Variants in COL4A5 observed in about 807,000 individuals in gnomAD.
The protein encoded by COL4A5 is collagen type IV alpha 5 chain, also known as collagen alpha-5(IV) chain.
A neutral mutation model predicts 130.2 loss-of-function variants in COL4A5; 26 were observed. The observed-to-expected ratio is 0.20, with a 90% CI of 0.15 to 0.28. COL4A5 has a LOEUF of 0.28. Ranked by LOEUF, COL4A5 falls within the 10% of genes least tolerant of loss-of-function variation. The probability of loss-of-function intolerance (pLI) is 1.00; values close to 1 mark genes in which losing one functional copy is unlikely to be tolerated. For missense variants in COL4A5, 1,131 were observed against 1,344.3 expected, an observed-to-expected ratio of 0.84 and a Z score of 2.48; for synonymous variants, 496 against 439.6, an observed-to-expected ratio of 1.13 and a Z score of -1.60.
intron 1 of COL4A5, among the ~76,000 whole-genome samples, chrX:108,492,868 G>C (rs1326149531): frequency 2.7e-5 from 3 of 111,018 alleles, no homozygotes; most frequent in Non-Finnish European, 5.7e-5. Context: ...TCTTTTATAG[G>C]ATTTTTTGGT....
At chrX:108,641,594 G>C (rs1009911549) in intron 36 of COL4A5, among the ~76,000 whole-genome samples, 4 of 112,243 alleles carry the variant, frequency 3.6e-5, no homozygotes, top group Non-Finnish European at 7.5e-5. Context: ...GGAAAGTGGA[G>C]ATCCTTCTCT....
intron 2 of COL4A5, among the ~76,000 whole-genome samples, chrX:108,556,940 G>A (rs188273240): frequency 3.6e-5 from 4 of 111,236 alleles, no homozygotes; most frequent in African/African-American, 1.3e-4. Context: ...TGACTGTAGT[G>A]CAAGGAGATT....
intron 42 of COL4A5, 175 bp downstream of exon 42, chrX:108,670,411 A>G (rs991771808): frequency 3.6e-5 from 19 of 523,083 alleles, no homozygotes; most frequent in Non-Finnish European, 4.4e-5. Flanking sequence ...GTTTCTGTCT[A>G]TTGGAAAGAC....
At chrX:108,630,367 G>A (rs1235409538) in intron 36 of COL4A5, among the ~76,000 whole-genome samples, 5 of 111,701 alleles carry the variant, frequency 4.5e-5, no homozygotes, top group African/African-American at 1.6e-4. Flanking sequence ...GTGTGAGATG[G>A]TATCTCATTG....
At chrX:108,520,424 T>C (rs745594526) in intron 1 of COL4A5, among the ~76,000 whole-genome samples, 1 of 112,136 alleles carries the variant, frequency 8.9e-6, no homozygotes, top group South Asian at 3.7e-4. Context: ...CTTAGTCATG[T>C]TCAAATCTTT....
At chrX:108,533,573 T>C (rs2147639783) in intron 1 of COL4A5, among the ~76,000 whole-genome samples, 1 of 110,610 alleles carries the variant, frequency 9.0e-6, no homozygotes, top group African/African-American at 3.3e-5. Flanking sequence ...CCTGAAAATA[T>C]AAAACTACTA....
In COL4A5 at chrX:108,637,245, G is replaced by A. The variant is rs757975495; in HGVS notation, c.3246+10896G>A. On this transcript the variant is annotated intron_variant, in intron 36 of 52. Transcript: ENST00000328300. Reference sequence around the variant, plus strand: ...CACCATGTCTGGCAGAAAATATAATGAGACAAATGAAAATGAAACCACAAC... The same window carrying A: ...CACCATGTCTGGCAGAAAATATAATAAGACAAATGAAAATGAAACCACAAC... Among the ~76,000 whole-genome samples the A allele has an allele frequency of 3.6e-5, 4 of 110,769 alleles. No individual in the cohort carries two copies. The South Asian group carries it at 1.5e-3, about 42-fold the overall frequency.
Position 108,695,451 on chromosome X carries a change from A to G in COL4A5, c.4994+12A>G, listed in dbSNP as rs767909575. The G allele has an allele frequency of 3.6e-5, 44 of 1,206,125 alleles. No homozygotes were observed. The Admixed American group carries it at 7.0e-4, about 19-fold the overall frequency. On this transcript the variant is annotated intron_variant, in intron 52 of 52. Transcript: ENST00000328300. Reference sequence around the variant, plus strand: ...TCAGACATGTTCAGGTAAAGTGCTTATAGCTTTAATTCAGGTCCAAAGCTT... The same window carrying G: ...TCAGACATGTTCAGGTAAAGTGCTTGTAGCTTTAATTCAGGTCCAAAGCTT...
chrX:108,508,557 CAAAAAAAAAAAA>C (rs1182036182), intron 1 of COL4A5, among the ~76,000 whole-genome samples: 50 of 38,180 alleles, frequency 1.3e-3, no homozygotes, highest in African/African-American at 5.4e-3. Flanking sequence ...CATGTAGGAC[CAAAAAAAAAAAA>C]AAAAAAAAAA....
rs104886308 is a variant in COL4A5, at chrX:108,696,350, G to A, written c.5048G>A (p.Arg1683Gln). The change falls in exon 53 of 53, where the codon CGA (arginine) becomes CAA (glutamine). Residue 1683 changes from arginine (R) to glutamine (Q), a missense_variant. By Grantham distance (43) the Arg-to-Gln change is conservative. Coordinates refer to ENST00000328300, the MANE Select transcript of COL4A5 (RefSeq NM_033380.3). Reference protein sequence around the residue: ...KAGDLRTRISRCQVCMKRT With the variant: ...KAGDLRTRISQCQVCMKRT ...GGAGACTTGAGGACACGAATTAGCC[G>A]ATGTCAAGTGTGCATGAAGAGGACA... 4 of 1,208,682 alleles carry A rather than the reference G, an allele frequency of 3.3e-6. No individual in the cohort carries two copies.
chrX:108,513,980 T>C (rs754435115), intron 1 of COL4A5, among the ~76,000 whole-genome samples: 2 of 112,157 alleles, frequency 1.8e-5, no homozygotes, highest in Admixed American at 1.9e-4. Context: ...AATAGGGATA[T>C]CCAGTATTCC....
At chrX:108,519,052 T>C (rs2065244830) in intron 1 of COL4A5, among the ~76,000 whole-genome samples, 1 of 111,615 alleles carries the variant, frequency 9.0e-6, no homozygotes, top group African/African-American at 3.2e-5. Flanking sequence ...AATAGATTAA[T>C]TTCTAATACC....
intron 2 of COL4A5, among the ~76,000 whole-genome samples, chrX:108,540,333 A>G (rs2065517380): frequency 8.9e-6 from 1 of 112,155 alleles, no homozygotes; most frequent in Admixed American, 9.5e-5. Flanking sequence ...AAGACAGGGG[A>G]AAAACACTTA....
intron 42 of COL4A5, 136 bp downstream of exon 42, chrX:108,670,372 T>A (rs2068176894): frequency 2.8e-6 from 3 of 1,067,403 alleles, no homozygotes; most frequent in Non-Finnish European, 3.7e-6. Flanking sequence ...CTTATCTCTT[T>A]AAGTTTTTAG....
intron 2 of COL4A5, among the ~76,000 whole-genome samples, chrX:108,541,601 A>G (rs1321466463): frequency 1.8e-5 from 2 of 112,137 alleles, no homozygotes; most frequent in Non-Finnish European, 3.8e-5. Flanking sequence ...GAAGAGGGAT[A>G]TACTGGAATG....
intron 24 of COL4A5, 112 bp from the exon 25 acceptor site, chrX:108,598,590 G>A (rs2066564397): frequency 1.4e-6 from 1 of 698,290 alleles, no homozygotes; most frequent in Non-Finnish European, 2.3e-6. Context: ...CACTTATATA[G>A]CTTTTAAGAA....
intron 1 of COL4A5, among the ~76,000 whole-genome samples, chrX:108,509,779 A>G (rs1404045999): frequency 8.9e-6 from 1 of 112,087 alleles, no homozygotes; most frequent in Admixed American, 9.4e-5. Flanking sequence ...CAGAACTACC[A>G]TTGCACCCAG....
intron 8 of COL4A5, among the ~76,000 whole-genome samples, chrX:108,572,703 C>T (rs774129838): frequency 4.5e-5 from 5 of 111,602 alleles, no homozygotes; most frequent in East Asian, 2.8e-4. Flanking sequence ...ACCACTACTC[C>T]GCCCTTACCT....
In COL4A5 at chrX:108,513,173, T is replaced by C. The variant is rs779674112; in HGVS notation, c.82-26573T>C. 2.7e-5 allele frequency among the ~76,000 whole-genome samples: 3 copies of C among 111,472 alleles called. No homozygotes were observed. The East Asian group carries it at 8.5e-4, about 31-fold the overall frequency. ...ATTGTTGAGTCATAGGGAAGGTGTA[T>C]GCTTAGTTTCATTTAAAATTGCCTC... On this transcript the variant is annotated intron_variant, in intron 1 of 52. Transcript: ENST00000328300.
Sources: gnomAD v4.1 joint callset for allele counts (sites outside exome capture counted in the v4.1 genomes callset) on GRCh38, gnomAD v4.1.1 for gene constraint, MANE v1.5 for transcripts, NCBI Gene and HGNC (gene_info 2026-07-23, HGNC 2026-07-21) for gene names.